SHROOM2: variants seen among roughly 807,000 people sequenced by gnomAD.
SHROOM2 encodes protein Shroom2.
In SHROOM2, 33 loss-of-function variants were observed where a neutral mutation model predicts 75.9. The ratio of observed to expected loss-of-function variants is 0.43; its 90% CI spans 0.33 to 0.58. SHROOM2 has a LOEUF of 0.58. Ranked by LOEUF, SHROOM2 falls within the 20% of genes least tolerant of loss-of-function variation. The pLI is 0.04. For synonymous variants in SHROOM2, 655 were observed against 663.6 expected (o/e 0.99, Z 0.20); for missense variants, 1,434 against 1,461.2 (o/e 0.98, Z 0.30).
rs145905935 is a variant in SHROOM2 at position 9,811,695 on chromosome X, C to T, written c.165+24985C>T. Among the ~76,000 whole-genome samples the T allele has an allele frequency of 1.0e-2, 1,118 of 111,916 alleles. 14 individuals carry two copies. Among genetic ancestry groups the T allele is most frequent in the African/African-American group, 0.034 (1,046 of 30,812 alleles). On this transcript the variant is annotated intron_variant, in intron 1 of 9. Coordinates refer to ENST00000380913, the MANE Select transcript of SHROOM2 (RefSeq NM_001649.4). The stretch of plus-strand genomic sequence containing the variant: ...AAGATTTCCCTTCACCGCTGTCCTT[C>T]GGGGTGTCGTAGAAAGGGGCTGTAG...
intron 1 of SHROOM2, among the ~76,000 whole-genome samples, chrX:9,803,033 A>G (rs544041882): frequency 9.3e-6 from 1 of 107,663 alleles, no homozygotes; most frequent in African/African-American, 3.4e-5. Context: ...GGCTCAAGCA[A>G]TCCTCCTGCC....
intron 1 of SHROOM2, among the ~76,000 whole-genome samples, chrX:9,793,437 G>A (rs887307467): frequency 9.2e-6 from 1 of 109,148 alleles, no homozygotes; most frequent in Non-Finnish European, 1.9e-5. Flanking sequence ...TTACAGGCTC[G>A]AGCCACCATG....
intron 8 of SHROOM2, among the ~76,000 whole-genome samples, chrX:9,941,201 G>A (rs1247022119): frequency 8.9e-6 from 1 of 112,315 alleles, no homozygotes; most frequent in East Asian, 2.8e-4. Flanking sequence ...CTATAGAAGG[G>A]AACAAAAGGT....
At chrX:9,860,427 T>A (rs2084097174) in intron 1 of SHROOM2, among the ~76,000 whole-genome samples, 1 of 111,382 alleles carries the variant, frequency 9.0e-6, no homozygotes, top group African/African-American at 3.3e-5. Flanking sequence ...CCCAGTCATG[T>A]CAATATTTTT....
chrX:9,935,367 G>A (rs1300285408), intron 6 of SHROOM2, among the ~76,000 whole-genome samples: 7 of 107,831 alleles, frequency 6.5e-5, no homozygotes, highest in South Asian at 4.1e-4. Flanking sequence ...CAGAGAGGTG[G>A]GGAGGTCTCA....
chrX:9,865,704 G>A (rs2084132523), intron 1 of SHROOM2, among the ~76,000 whole-genome samples: 1 of 107,787 alleles, frequency 9.3e-6, no homozygotes, highest in South Asian at 4.1e-4. Context: ...GGGACTACAG[G>A]TGCCCGCCAC....
At chrX:9,816,384 C>T (rs114455867) in intron 1 of SHROOM2, among the ~76,000 whole-genome samples, 1,470 of 112,432 alleles carry the variant, frequency 0.013, 8 homozygotes, top group Non-Finnish European at 0.021. Context: ...TTTGGCTTCA[C>T]GGCTGTTGAA....
At chrX:9,816,610 G>GCTGCTGCTGCTGCTGCTA (rs1286563931) in intron 1 of SHROOM2, among the ~76,000 whole-genome samples, 1 of 110,279 alleles carries the variant, frequency 9.1e-6, no homozygotes, top group Non-Finnish European at 1.9e-5. Context: ...TGCTGCTGCT[G>GCTGCTGCTGCTGCTGCTA]CTACTTTCTG....
intron 5 of SHROOM2, among the ~76,000 whole-genome samples, chrX:9,928,821 C>T (rs2084620058): frequency 8.9e-6 from 1 of 112,382 alleles, no homozygotes; most frequent in Non-Finnish European, 1.9e-5. Flanking sequence ...CCTACATCTA[C>T]ACATGCAAAC....
At chrX:9,833,122 T>C (rs1485567562) in intron 1 of SHROOM2, among the ~76,000 whole-genome samples, 1 of 111,231 alleles carries the variant, frequency 9.0e-6, no homozygotes, top group African/African-American at 3.3e-5. Flanking sequence ...GACTAGGAAA[T>C]GACAGACGGA....
chrX:9,809,994 T>C (rs1014809538), intron 1 of SHROOM2, among the ~76,000 whole-genome samples: 11 of 112,607 alleles, frequency 9.8e-5, no homozygotes, highest in East Asian at 5.5e-4. Context: ...ATAAATCTTA[T>C]GTCACACGAT....
chrX:9,852,582 C>A (rs1025885354), intron 1 of SHROOM2, among the ~76,000 whole-genome samples: 2 of 112,661 alleles, frequency 1.8e-5, no homozygotes, highest in Non-Finnish European at 3.7e-5. Flanking sequence ...ACATAGAGAC[C>A]GTCAAGACGC....
rs749174073 is a variant in SHROOM2, at chrX:9,842,399, T to G, written c.166-31253T>G. On this transcript the variant is annotated intron_variant, in intron 1 of 9. Transcript: ENST00000380913. ...ATCCCTGAAGATCCACATGGGATTC[T>G]GACAGATCGCTCTGAGACATCCTCC... is the stretch of plus-strand genomic sequence containing the variant. Among the ~76,000 whole-genome samples, 5 of 112,817 alleles carry G rather than the reference T, an allele frequency of 4.4e-5. No individual in the cohort carries two copies. The South Asian group carries it at 1.8e-3, about 41-fold the overall frequency.
At chrX:9,868,251 T>A (rs2084151750) in intron 1 of SHROOM2, among the ~76,000 whole-genome samples, 1 of 108,941 alleles carries the variant, frequency 9.2e-6, no homozygotes, top group Non-Finnish European at 1.9e-5. Flanking sequence ...TTTTATTTAT[T>A]TATTTATTTT....
chrX:9,932,001 G>A (rs974298127), intron 5 of SHROOM2, among the ~76,000 whole-genome samples, 174 bp from the exon 6 acceptor site: 6 of 110,493 alleles, frequency 5.4e-5, no homozygotes, highest in East Asian at 5.7e-4. Context: ...TCTGAGGTGC[G>A]TCACGACTCC....
chrX:9,896,719 C>G, intron 4 of SHROOM2, 21 bp downstream of exon 4: 1 of 1,141,572 alleles, frequency 8.8e-7, no homozygotes, highest in Non-Finnish European at 1.2e-6. Context: ...AGCCACAGCC[C>G]CCTTGACCAT....
chrX:9,894,278 C>T, intron 3 of SHROOM2, 80 bp from the exon 4 acceptor site: 1 of 953,970 alleles, frequency 1.0e-6, no homozygotes, highest in Non-Finnish European at 1.4e-6. Context: ...CACAGAGGGT[C>T]AGCTGCGTCC....
intron 5 of SHROOM2, among the ~76,000 whole-genome samples, chrX:9,901,987 TGGAGGGTGG>T (rs1385438539): frequency 1.7e-5 from 1 of 57,249 alleles, no homozygotes; most frequent in Non-Finnish European, 3.0e-5. Flanking sequence ...GGTAGATAGT[TGGAGGGTGG>T]GGAGGGTGGG....
At chrX:9,798,473 A>T (rs1247937834) in intron 1 of SHROOM2, among the ~76,000 whole-genome samples, 3 of 111,856 alleles carry the variant, frequency 2.7e-5, no homozygotes, top group African/African-American at 9.7e-5. Flanking sequence ...AGCCCAAAAC[A>T]TGTAATAATC....
Sources: gnomAD v4.1 joint callset for allele counts (sites outside exome capture counted in the v4.1 genomes callset) on GRCh38, gnomAD v4.1.1 for gene constraint, MANE v1.5 for transcripts, NCBI Gene and HGNC (gene_info 2026-07-23, HGNC 2026-07-21) for gene names.